RPS6KA2: variants seen among roughly 807,000 people sequenced by gnomAD.
The protein encoded by RPS6KA2 is ribosomal protein S6 kinase alpha-2.
RPS6KA2 carries 42 observed loss-of-function variants against 91.8 expected under a neutral mutation model. That is an observed-to-expected ratio of 0.46 (90% CI 0.36 to 0.59). RPS6KA2 has a LOEUF of 0.59. Among genes scored for constraint, RPS6KA2 ranks in the 20% least tolerant of loss-of-function variants. The pLI is 0.00. For missense variants in RPS6KA2, 798 were observed against 978.5 expected (o/e 0.82, Z 2.46); for synonymous variants, 414 against 393.6 (o/e 1.05, Z -0.61).
At chr6:166,594,131 A>G (rs1367159137) in intron 1 of RPS6KA2, among the ~76,000 whole-genome samples, 1 of 152,214 alleles carries the variant, frequency 6.6e-6, no homozygotes, top group Non-Finnish European at 1.5e-5. Flanking sequence ...TTGATGTGTG[A>G]CCATTATACT....
At chr6:166,716,035 C>CAAAAAAAAA (rs141709524) in intron 2 of RPS6KA2, among the ~76,000 whole-genome samples, 1 of 89,778 alleles carries the variant, frequency 1.1e-5, no homozygotes, top group Non-Finnish European at 1.9e-5. Context: ...GAGACTCCAT[C>CAAAAAAAAA]AAAAAAAAAA....
At chr6:166,853,256 T>C (rs1339748164) in intron 2 of RPS6KA2, among the ~76,000 whole-genome samples, 2 of 152,186 alleles carry the variant, frequency 1.3e-5, no homozygotes, top group Non-Finnish European at 2.9e-5. Context: ...CTAGGCAATA[T>C]AGTGAGACCC....
chr6:166,748,442 G>A (rs979917770), intron 2 of RPS6KA2, among the ~76,000 whole-genome samples: 1 of 152,160 alleles, frequency 6.6e-6, no homozygotes, highest in African/African-American at 2.4e-5. Context: ...AGGCTAGTGA[G>A]GGGGAACTGC....
At chr6:166,795,145 A>G (rs999232728) in intron 2 of RPS6KA2, among the ~76,000 whole-genome samples, 1 of 152,206 alleles carries the variant, frequency 6.6e-6, no homozygotes, top group Admixed American at 6.5e-5. Flanking sequence ...GGAAAAAAGA[A>G]ATACACATTA....
At chr6:166,682,606 T>C (rs1163756148) in intron 2 of RPS6KA2, among the ~76,000 whole-genome samples, 1 of 152,058 alleles carries the variant, frequency 6.6e-6, no homozygotes, top group African/African-American at 2.4e-5. Context: ...TAATTAGCTG[T>C]CGAATAAGTG....
Position 166,612,499 on chromosome 6 carries a change from C to T in RPS6KA2, c.99+14422G>A, listed in dbSNP as rs970230102. The stretch of plus-strand genomic sequence containing the variant: ...CCCCTCGCGGGCTTGCAACCAGGCA[C>T]TCTTCCTCTCTCCCTCCATGACAGA... On this transcript the variant is annotated intron_variant, in intron 1 of 20. Coordinates refer to ENST00000265678, the MANE Select transcript of RPS6KA2 (RefSeq NM_021135.6). The surrounding 1 kb of genome is among the most constrained non-coding windows in gnomAD (Gnocchi z 4.3). Among the ~76,000 whole-genome samples the T allele has an allele frequency of 6.6e-6, 1 of 152,164 alleles. No homozygotes were observed.
At chr6:166,530,691 G>A (rs1004899009) in intron 3 of RPS6KA2, among the ~76,000 whole-genome samples, 21 of 152,226 alleles carry the variant, frequency 1.4e-4, no homozygotes, top group Non-Finnish European at 2.2e-4. Context: ...CTTAAAGACT[G>A]TGAGCCTGGA....
chr6:166,669,522 T>C (rs1431595762), intron 2 of RPS6KA2, among the ~76,000 whole-genome samples: 1 of 152,164 alleles, frequency 6.6e-6, no homozygotes, highest in African/African-American at 2.4e-5. Flanking sequence ...GTTTTCATGA[T>C]GGCTCCAAAG....
intron 2 of RPS6KA2, among the ~76,000 whole-genome samples, chr6:166,766,939 G>A (rs973061584): frequency 6.6e-6 from 1 of 152,206 alleles, no homozygotes; most frequent in Non-Finnish European, 1.5e-5. Flanking sequence ...GGCCCTGTGG[G>A]CCTAACGTGC....
At position 166,648,399 on chromosome 6, in the gene RPS6KA2, C is replaced by T. The variant is rs1212095393; in HGVS notation, c.124-109615G>A. 6.6e-6 allele frequency among the ~76,000 whole-genome samples: 1 copy of T among 152,214 alleles called. No individual in the cohort carries two copies. Among genetic ancestry groups the T allele is most frequent in the African/African-American group, 2.4e-5 (1 of 41,444 alleles). ...GAGGGCCTGGAGAACATTGTGCACG[C>T]CTCCATCTTACCATATACAACTGCT... On this transcript the variant is annotated intron_variant, in intron 2 of 21. Coordinates refer to the RPS6KA2 transcript ENST00000503859. This position sits in a 1 kb window ranked among gnomAD's most constrained non-coding sequence, Gnocchi z 4.8.
At chr6:166,829,551 C>T (rs955513303) in intron 2 of RPS6KA2, among the ~76,000 whole-genome samples, 42 of 141,808 alleles carry the variant, frequency 3.0e-4, no homozygotes, top group African/African-American at 1.1e-3. Flanking sequence ...GATCGCGCCA[C>T]TGCACTCCAG....
intron 1 of RPS6KA2, among the ~76,000 whole-genome samples, chr6:166,569,080 C>A (rs985097393): frequency 2.6e-5 from 4 of 152,220 alleles, no homozygotes; most frequent in South Asian, 4.1e-4. Flanking sequence ...GGGAAAAAAA[C>A]AAGTCTGTAA....
chr6:166,684,705 G>A (rs1349385017), intron 2 of RPS6KA2, among the ~76,000 whole-genome samples: 1 of 152,164 alleles, frequency 6.6e-6, no homozygotes, highest in Non-Finnish European at 1.5e-5. Flanking sequence ...GCCGTTGGAT[G>A]TATCCACAGT....
At chr6:166,531,738 A>ATACTTTCTCTTACTTC (rs1300329226) in intron 2 of RPS6KA2, among the ~76,000 whole-genome samples, 6,072 of 152,284 alleles carry the variant, frequency 0.04, 383 homozygotes, top group African/African-American at 0.14. Context: ...GATTTTCAAG[A>ATACTTTCTCTTACTTC]AAAGCTACTT....
intron 2 of RPS6KA2, chr6:166,858,138 C>A (rs377171706): frequency 3.7e-5 from 36 of 974,430 alleles, no homozygotes; most frequent in Non-Finnish European, 5.5e-5. Flanking sequence ...TTTCCCCCTT[C>A]ACCACCTTCT....
chr6:166,787,833 T>C (rs1778972629), intron 2 of RPS6KA2, among the ~76,000 whole-genome samples: 1 of 151,942 alleles, frequency 6.6e-6, no homozygotes, highest in South Asian at 2.1e-4. Context: ...TGGGATCTAA[T>C]CAAACTAAAG....
chr6:166,649,610 G>C (rs1787785510), intron 2 of RPS6KA2, among the ~76,000 whole-genome samples: 1 of 152,160 alleles, frequency 6.6e-6, no homozygotes, highest in African/African-American at 2.4e-5. Context: ...TTATTACTAT[G>C]ATAATTATTT....
At position 166,673,613 on chromosome 6, in the gene RPS6KA2, G is replaced by A. The variant is rs533109752; in HGVS notation, c.124-134829C>T. Among the ~76,000 whole-genome samples, 5 of 152,370 alleles carry A rather than the reference G, an allele frequency of 3.3e-5. No homozygotes were observed. In the South Asian group the frequency reaches 1.0e-3, roughly 32 times the overall value. On this transcript the variant is annotated intron_variant, in intron 2 of 21. Coordinates refer to the RPS6KA2 transcript ENST00000503859. The stretch of plus-strand genomic sequence containing the variant: ...GAGGCACAAAACAGGACAAAAGTTT[G>A]CAAACTCTAAACCAAACTTGTCCAA...
chr6:166,716,629 C>T (rs1387201954), intron 2 of RPS6KA2, among the ~76,000 whole-genome samples: 8 of 152,132 alleles, frequency 5.3e-5, no homozygotes, highest in African/African-American at 1.4e-4. Flanking sequence ...GTTAAGACAT[C>T]GTGATTTGTG....
Sources: allele counts gnomAD v4.1 joint callset (sites outside exome capture counted in the v4.1 genomes callset), GRCh38; gene constraint gnomAD v4.1.1; non-coding constraint Gnocchi (gnomAD v3.1); transcripts MANE v1.5; gene names NCBI Gene and HGNC (gene_info 2026-07-23, HGNC 2026-07-21).